Variants in DNAH11 observed in about 807,000 individuals in gnomAD.
DNAH11 encodes dynein axonemal heavy chain 11, also known as axonemal beta dynein heavy chain 11.
A neutral mutation model predicts 526.0 loss-of-function variants in DNAH11; 442 were observed. That is an observed-to-expected ratio of 0.84 (90% CI 0.78 to 0.91). The LOEUF (loss-of-function observed/expected upper bound fraction) is 0.91, where lower values mean the gene tolerates loss of function less well. Among genes scored for constraint, DNAH11 ranks in the 40% least tolerant of loss-of-function variants. DNAH11 has a pLI of 0.00. For synonymous variants in DNAH11, 2,461 were observed against 1,935.9 expected (o/e 1.27, Z -7.12); for missense variants, 6,989 against 5,448.7 (o/e 1.28, Z -8.90).
In DNAH11 at chr7:21,899,987, G is replaced by GCAGACGATGGCTCGAAAAAATGAGTGGC; in HGVS notation, c.13172_13199dup (p.Leu4401AspfsTer7). On this transcript the variant is annotated frameshift_variant, in exon 81 of 82. Transcript: ENST00000409508. LOFTEE classifies it high-confidence loss of function. ...TTTGTTATATTTCCAAAGCAATCAT[G>GCAGACGATGGCTCGAAAAAATGAGTGGC]CAGACGATGGCTCGAAAAAATGAGT... 6.2e-7 allele frequency: 1 copy of GCAGACGATGGCTCGAAAAAATGAGTGGC among 1,613,802 alleles called. No individual in the cohort carries two copies. The highest frequency in any genetic ancestry group is 8.5e-7 in the Non-Finnish European group (1 of 1,179,806).
At chr7:21,839,586 A>G (rs894403625) in intron 65 of DNAH11, among the ~76,000 whole-genome samples, 11 of 151,684 alleles carry the variant, frequency 7.3e-5, no homozygotes, top group Non-Finnish European at 1.6e-4. Flanking sequence ...AAAAAAAAAA[A>G]AGGGGACGTA....
chr7:21,860,881 C>T (rs1012699148), intron 68 of DNAH11, among the ~76,000 whole-genome samples: 2 of 152,164 alleles, frequency 1.3e-5, no homozygotes, highest in South Asian at 4.1e-4. Flanking sequence ...GCAGGCAAGA[C>T]AGAATGAGAG....
intron 25 of DNAH11, among the ~76,000 whole-genome samples, chr7:21,622,150 T>A (rs973441461): frequency 1.3e-5 from 2 of 152,060 alleles, no homozygotes; most frequent in Non-Finnish European, 2.9e-5. Flanking sequence ...CGTACAAAAA[T>A]CACAAGCATT....
At position 21,899,386 on chromosome 7, in the gene DNAH11, A is replaced by G. The variant is rs758190100; in HGVS notation, c.13100A>G (p.Asp4367Gly). Residue 4367 changes from aspartate (D) to glycine (G), a missense_variant, in exon 80 of 82, where the codon GAC becomes GGC. By Grantham distance (94) the Asp-to-Gly change is moderately conservative (BLOSUM62 -1). Coordinates refer to ENST00000409508, the MANE Select transcript of DNAH11 (RefSeq NM_001277115.2). ...CGAGAACTCGATACTTGGACACAAG[A>G]CCTTACCCTTCCGGCTGTCGTGTGG... ...RCRELDTWTQ[D>G]LTLPAVVWLS... 2.5e-6 allele frequency: 4 copies of G among 1,613,954 alleles called. No individual in the cohort carries two copies. In the Admixed American group the frequency reaches 5.0e-5, roughly 20 times the overall value.
At position 21,565,775 on chromosome 7, in the gene DNAH11, G is replaced by C. The variant is rs1034013002; in HGVS notation, c.1194+1378G>C. ...AAGTGAAATGCCCAGCGTAGTGCTC[G>C]GTGTTTAATCGAGGCTCAGTAAATG... On this transcript the variant is annotated intron_variant, in intron 6 of 81. Transcript: ENST00000409508. 2.0e-5 allele frequency among the ~76,000 whole-genome samples: 3 copies of C among 152,170 alleles called. No individual in the cohort carries two copies. The South Asian group carries it at 6.2e-4, about 32-fold the overall frequency.
chr7:21,761,380 A>T (rs1196863612), intron 54 of DNAH11, among the ~76,000 whole-genome samples: 1 of 152,050 alleles, frequency 6.6e-6, no homozygotes, highest in Non-Finnish European at 1.5e-5. Context: ...TAGAATTTAG[A>T]TTACATGTAA....
In DNAH11 at chr7:21,816,490, C is replaced by A. The variant is rs776117353; in HGVS notation, c.10356C>A (p.Gly3452=). 1.2e-6 allele frequency: 2 copies of A among 1,609,434 alleles called. No homozygotes were observed. The highest frequency in any genetic ancestry group is 1.7e-5 in the Admixed American group (1 of 59,266). ...QQKVSIPLTE[G]LDLISMLTDD... The stretch of plus-strand genomic sequence containing the variant: ...AGGTTTCCATTCCACTAACCGAAGG[C>A]CTGGACTTGATATCCATGTTGACGG... The change falls in exon 64 of 82, where the codon GGC becomes GGA. Residue 3452 remains glycine (G), a synonymous_variant. Transcript: ENST00000409508.
At chr7:21,666,060 T>C (rs926997417) in intron 30 of DNAH11, among the ~76,000 whole-genome samples, 2 of 152,132 alleles carry the variant, frequency 1.3e-5, no homozygotes, top group African/African-American at 4.8e-5. Flanking sequence ...TTAAAACTGG[T>C]ATCAGAGTTG....
At chr7:21,619,863 T>G in intron 24 of DNAH11, 93 bp from the exon 25 acceptor site, 1 of 1,285,118 alleles carries the variant, frequency 7.8e-7, no homozygotes, top group Non-Finnish European at 1.1e-6. Flanking sequence ...AGTTTGCATT[T>G]TTGAAAGTTG....
chr7:21,858,290 A>G (rs1396541728), intron 68 of DNAH11, among the ~76,000 whole-genome samples: 1 of 152,206 alleles, frequency 6.6e-6, no homozygotes, highest in Non-Finnish European at 1.5e-5. Flanking sequence ...AATGCAATAA[A>G]CCATTTTGGA....
chr7:21,619,351 G>T (rs72657317), intron 24 of DNAH11, 129 bp downstream of exon 24: 10 of 1,019,246 alleles, frequency 9.8e-6, no homozygotes, highest in Non-Finnish European at 1.1e-5. Flanking sequence ...GTTCCCTGCT[G>T]TTCATTAGGT....
At position 21,842,661 on chromosome 7, in the gene DNAH11, C is replaced by T. The variant is rs766988533; in HGVS notation, c.10809C>T (p.Leu3603=). ...AATTACAAGCTCAGACAACTCTCCT[C>T]AATTTCACAGTCACAGAAGATGGTC... ...KPELQAQTTL[L]NFTVTEDGLE... Residue 3603 remains leucine, a synonymous_variant, in exon 66 of 82, where the codon CTC becomes CTT. Coordinates refer to ENST00000409508, the MANE Select transcript of DNAH11 (RefSeq NM_001277115.2). 6.2e-6 allele frequency: 10 copies of T among 1,613,806 alleles called. No individual in the cohort carries two copies. Among genetic ancestry groups the T allele is most frequent in the African/African-American group, 1.3e-5 (1 of 74,928 alleles).
intron 61 of DNAH11, among the ~76,000 whole-genome samples, chr7:21,795,687 G>A (rs1352564622): frequency 1.3e-5 from 2 of 152,186 alleles, no homozygotes; most frequent in Non-Finnish European, 1.5e-5. Context: ...CACTGGACTA[G>A]GCACTGGAGT....
intron 51 of DNAH11, among the ~76,000 whole-genome samples, chr7:21,747,826 A>G (rs1228705997): frequency 6.6e-6 from 1 of 152,236 alleles, no homozygotes; most frequent in African/African-American, 2.4e-5. Context: ...TGGTCTAAAC[A>G]AATCCATTCT....
At chr7:21,582,387 G>C (rs966683070) in intron 9 of DNAH11, among the ~76,000 whole-genome samples, 2 of 152,056 alleles carry the variant, frequency 1.3e-5, no homozygotes, top group African/African-American at 4.8e-5. Flanking sequence ...TAGATTGTTA[G>C]GTTCATCTGC....
intron 54 of DNAH11, among the ~76,000 whole-genome samples, chr7:21,758,633 A>G (rs1786743731): frequency 6.6e-6 from 1 of 152,242 alleles, no homozygotes; most frequent in Non-Finnish European, 1.5e-5. Context: ...CAGGGCAAGA[A>G]AGATATCACG....
chr7:21,826,872 A>AGTT (rs368614944), intron 65 of DNAH11, among the ~76,000 whole-genome samples: 24 of 151,708 alleles, frequency 1.6e-4, no homozygotes, highest in Middle Eastern at 3.4e-3. Flanking sequence ...TGTTTGGGGG[A>AGTT]GTTGTTGTTG....
intron 54 of DNAH11, among the ~76,000 whole-genome samples, chr7:21,757,103 G>A (rs142768734): frequency 9.2e-5 from 14 of 152,314 alleles, no homozygotes; most frequent in Non-Finnish European, 1.6e-4. Flanking sequence ...CCAATTCAGT[G>A]CACACATTAA....
At chr7:21,834,470 AAG>A (rs750258632) in intron 65 of DNAH11, among the ~76,000 whole-genome samples, 3 of 152,186 alleles carry the variant, frequency 2.0e-5, no homozygotes, top group Non-Finnish European at 4.4e-5. Context: ...AGTAGAATAA[AAG>A]AAGTAATGAA....
Sources: allele counts gnomAD v4.1 joint callset (sites outside exome capture counted in the v4.1 genomes callset), GRCh38; gene constraint gnomAD v4.1.1; transcripts MANE v1.5; gene names NCBI Gene and HGNC (gene_info 2026-07-23, HGNC 2026-07-21).